Variants in SGCD observed in about 807,000 individuals in gnomAD.
The protein encoded by SGCD is sarcoglycan delta.
SGCD carries 18 observed loss-of-function variants against 36.6 expected under a neutral mutation model. The ratio of observed to expected loss-of-function variants is 0.49; its 90% CI spans 0.34 to 0.73. The LOEUF (loss-of-function observed/expected upper bound fraction) is 0.73. SGCD is among the 30% of genes least tolerant of loss of function. The pLI, the probability that SGCD is intolerant of heterozygous loss-of-function variation, is 0.01. For synonymous variants in SGCD, 133 were observed against 130.6 expected (o/e 1.02, Z -0.12); for missense variants, 387 against 346.7 (o/e 1.12, Z -0.92).
chr5:155,841,760 A>G, the SGCD span, among the ~76,000 whole-genome samples: 19 of 152,226 alleles, frequency 1.2e-4, no homozygotes, highest in Admixed American at 3.9e-4. Flanking sequence ...ATCACTTTAT[A>G]ATAATGGTTT....
At chr5:156,428,120 CT>C (rs1272844344) in intron 3 of SGCD, among the ~76,000 whole-genome samples, 3 of 151,998 alleles carry the variant, frequency 2.0e-5, no homozygotes, top group Admixed American at 2.0e-4. Context: ...GTACCAATTC[CT>C]TTTTTAATGT....
intron 6 of SGCD, among the ~76,000 whole-genome samples, chr5:156,633,947 G>A (rs1165360603): frequency 6.6e-6 from 1 of 152,072 alleles, no homozygotes; most frequent in East Asian, 1.9e-4. Flanking sequence ...TGGGCCAAGG[G>A]TACTGTCTTC....
the SGCD span, among the ~76,000 whole-genome samples, chr5:155,841,640 A>G: frequency 1.3e-5 from 2 of 152,068 alleles, no homozygotes; most frequent in Non-Finnish European, 2.9e-5. Flanking sequence ...TGTCAGGTGT[A>G]TTACAAATAT....
chr5:156,619,830 AT>A (rs1468477224), intron 6 of SGCD, among the ~76,000 whole-genome samples: 11 of 152,216 alleles, frequency 7.2e-5, no homozygotes, highest in Non-Finnish European at 2.9e-5. Context: ...TACTAAAAAT[AT>A]TCTCTTACGC....
intron 7 of SGCD, among the ~76,000 whole-genome samples, chr5:156,677,715 A>C (rs1318150774): frequency 6.6e-6 from 1 of 152,124 alleles, no homozygotes; most frequent in African/African-American, 2.4e-5. Context: ...CTGGTGGAGA[A>C]AATTTTATAT....
chr5:155,877,227 G>A (rs993134958), intron 1 of SGCD, among the ~76,000 whole-genome samples: 11 of 152,030 alleles, frequency 7.2e-5, no homozygotes, highest in Admixed American at 2.0e-4. Context: ...AAATCATACC[G>A]AAATGGCCAC....
At chr5:156,279,290 T>G (rs1416962085) in intron 3 of SGCD, among the ~76,000 whole-genome samples, 1 of 152,178 alleles carries the variant, frequency 6.6e-6, no homozygotes, top group East Asian at 1.9e-4. Context: ...AATTTACATG[T>G]GACAAATCAA....
the SGCD span, among the ~76,000 whole-genome samples, chr5:155,854,871 T>C: frequency 6.6e-6 from 1 of 152,282 alleles, no homozygotes; most frequent in South Asian, 2.1e-4. Flanking sequence ...ACTTAGTGCT[T>C]ACAAGGGCCT....
At chr5:155,733,839 C>A in the SGCD span, among the ~76,000 whole-genome samples, 26 of 152,000 alleles carry the variant, frequency 1.7e-4, no homozygotes, top group Non-Finnish European at 3.2e-4. Flanking sequence ...TCTTCATGTA[C>A]AAGTTGAAGA....
chr5:155,941,846 A>G (rs1015698191), intron 1 of SGCD, among the ~76,000 whole-genome samples: 9 of 152,308 alleles, frequency 5.9e-5, no homozygotes, highest in East Asian at 1.9e-4. Flanking sequence ...CTTTAAGACA[A>G]TGTTTCACAA....
In SGCD at chr5:156,037,864, T is replaced by C. The variant is rs376155803; in HGVS notation, c.-281-80014T>C. Among the ~76,000 whole-genome samples, 5 of 152,276 alleles carry C rather than the reference T, an allele frequency of 3.3e-5. No homozygotes were observed. The East Asian group carries it at 5.8e-4, about 18-fold the overall frequency. On this transcript the variant is annotated intron_variant, in intron 1 of 9. Coordinates refer to the SGCD transcript ENST00000517913. ...GCTCTTTGAAGAAACATAATACTTA[T>C]CATGTCAATATAATATATTGCATCT...
chr5:155,834,711 C>A, the SGCD span, among the ~76,000 whole-genome samples: 9 of 152,212 alleles, frequency 5.9e-5, no homozygotes, highest in East Asian at 1.5e-3. Flanking sequence ...AAAAAGTCAC[C>A]CAGCCTTTCC....
chr5:156,450,111 G>A (rs1432754937), intron 3 of SGCD, among the ~76,000 whole-genome samples: 1 of 152,086 alleles, frequency 6.6e-6, no homozygotes, highest in Non-Finnish European at 1.5e-5. Flanking sequence ...GAGGAGTCTG[G>A]TTAACAGTTG....
intron 3 of SGCD, among the ~76,000 whole-genome samples, chr5:156,239,484 T>TA (rs1165853075): frequency 2.0e-5 from 3 of 151,964 alleles, no homozygotes; most frequent in Non-Finnish European, 2.9e-5. Flanking sequence ...AAATACTTTT[T>TA]AAAAAAATCT....
At chr5:156,231,573 G>A (rs578163284) in intron 3 of SGCD, among the ~76,000 whole-genome samples, 1 of 152,174 alleles carries the variant, frequency 6.6e-6, no homozygotes, top group Non-Finnish European at 1.5e-5. Context: ...TAAATAAAAA[G>A]GTGAACAGAA....
intron 6 of SGCD, among the ~76,000 whole-genome samples, chr5:156,632,224 A>G (rs926995752): frequency 6.6e-6 from 1 of 152,058 alleles, no homozygotes; most frequent in African/African-American, 2.4e-5. Context: ...CCCTAGACCA[A>G]ACACTCTTTC....
intron 3 of SGCD, among the ~76,000 whole-genome samples, chr5:156,382,335 G>T (rs1376953407): frequency 6.6e-6 from 1 of 152,094 alleles, no homozygotes; most frequent in African/African-American, 2.4e-5. Context: ...AAGACCTGTA[G>T]AAGCTCACTC....
chr5:156,453,646 C>T (rs150626433), intron 3 of SGCD, among the ~76,000 whole-genome samples: 1 of 151,986 alleles, frequency 6.6e-6, no homozygotes, highest in African/African-American at 2.4e-5. Context: ...AGTTAGAGAC[C>T]AAGGATGCTG....
intron 3 of SGCD, among the ~76,000 whole-genome samples, chr5:156,495,124 A>G (rs916043767): frequency 6.6e-6 from 1 of 152,130 alleles, no homozygotes; most frequent in Non-Finnish European, 1.5e-5. Flanking sequence ...CTGAGAACAC[A>G]TGGATGAAAT....
Sources: gnomAD v4.1 joint callset for allele counts (sites outside exome capture counted in the v4.1 genomes callset) on GRCh38, gnomAD v4.1.1 for gene constraint, MANE v1.5 for transcripts, NCBI Gene and HGNC (gene_info 2026-07-23, HGNC 2026-07-21) for gene names.